Variants in CES5A observed in about 807,000 individuals in gnomAD.
CES5A encodes the protein carboxylesterase 5A.
A neutral mutation model predicts 62.9 loss-of-function variants in CES5A; 67 were observed. That is an observed-to-expected ratio of 1.07 (90% CI 0.88 to 1.31). The LOEUF is 1.31. CES5A is among the 50% of genes most tolerant of loss of function. CES5A has a pLI of 0.00. For missense variants in CES5A, 748 were observed against 708.5 expected (o/e 1.06, Z -0.63); for synonymous variants, 296 against 280.8 (o/e 1.05, Z -0.54).
At chr16:55,875,069 G>A in intron 1 of CES5A, 80 bp downstream of exon 1, 2 of 1,399,946 alleles carry the variant, frequency 1.4e-6, no homozygotes, top group Non-Finnish European at 1.0e-6. Context: ...GACCTCTGAA[G>A]AATAACTTCA....
Position 55,930,833 on chromosome 16 carries a change from T to C in CES5A, c.160+18952A>G, listed in dbSNP as rs572668860. On this transcript the variant is annotated intron_variant, in intron 2 of 13. Coordinates refer to the CES5A transcript ENST00000521992. ...CAATGCCTATCAAAATACTGACACA[T>C]AGACACATAGTATTCCTTCTCCCTT... 4.6e-5 allele frequency among the ~76,000 whole-genome samples: 7 copies of C among 152,244 alleles called. No homozygotes were observed. The East Asian group carries it at 1.4e-3, about 29-fold the overall frequency.
chr16:55,913,203 G>GC (rs1329047017), intron 1 of CES5A, among the ~76,000 whole-genome samples: 1 of 152,124 alleles, frequency 6.6e-6, no homozygotes. Flanking sequence ...TCATAGGGGG[G>GC]TCGAAGTGAG....
At position 55,861,456 on chromosome 16, in the gene CES5A, A is replaced by G. The variant is rs751246891; in HGVS notation, c.871T>C (p.Cys291Arg). 15 of 1,613,860 alleles carry G rather than the reference A, an allele frequency of 9.3e-6. No individual in the cohort carries two copies. Among genetic ancestry groups the G allele is most frequent in the African/African-American group, 1.3e-5 (1 of 74,928 alleles). ...NASDSEALLR[C>R]LRTKPSKELL... Reference sequence around the variant, plus strand: ...TCCTTGGAGGGTTTTGTCCTCAGGCACCTCAGCAGGGCCTCAGAGTCTGAC... The same window carrying G: ...TCCTTGGAGGGTTTTGTCCTCAGGCGCCTCAGCAGGGCCTCAGAGTCTGAC... Residue 291 changes from cysteine (C) to arginine (R), a missense_variant, in exon 7 of 13, where the codon TGC becomes CGC. Transcript: ENST00000290567.
chr16:55,949,979 C>G, intron 1 of CES5A: 1 of 583,628 alleles, frequency 1.7e-6, no homozygotes, highest in Non-Finnish European at 2.6e-6. Flanking sequence ...ATAACCAATA[C>G]AGCATATAAG....
At chr16:55,883,057 T>G (rs1315462417) in intron 1 of CES5A, among the ~76,000 whole-genome samples, 2 of 152,190 alleles carry the variant, frequency 1.3e-5, no homozygotes, top group Non-Finnish European at 2.9e-5. Flanking sequence ...AATCTACAGC[T>G]GCAGCATACG....
rs1207145415 is a variant in CES5A at position 55,846,672 on chromosome 16, C to T, written c.1507G>A (p.Gly503Arg). ...GCTGGCCACAGAGACAGGTCGTTCC[C>T]ATTAGGATTCCTAGAAGGGAGAGCA... ...ATFARTGNPN[G>R]NDLSLWPAYN... Residue 503 changes from glycine to arginine, a missense_variant, in exon 13 of 13, where the codon GGG becomes AGG. Transcript: ENST00000290567. 3 of 1,613,902 alleles carry T rather than the reference C, an allele frequency of 1.9e-6. No individual in the cohort carries two copies. Among genetic ancestry groups the T allele is most frequent in the East Asian group, 2.2e-5 (1 of 44,874 alleles).
intron 4 of CES5A, among the ~76,000 whole-genome samples, chr16:55,866,422 C>A (rs2033461948): frequency 6.6e-6 from 1 of 152,072 alleles, no homozygotes; most frequent in Non-Finnish European, 1.5e-5. Context: ...GTTGCCCAGG[C>A]TTGTCTGGAA....
At chr16:55,880,087 C>T (rs559271777), upstream of CES5A, among the ~76,000 whole-genome samples, 20 of 152,288 alleles carry the variant, frequency 1.3e-4, no homozygotes, top group South Asian at 1.0e-3. Context: ...ATAATGATGA[C>T]GATGACTAAG....
chr16:55,846,170 A>G lies in CES5A; in HGVS notation c.*281T>C. 2.2e-6 allele frequency: 1 copy of G among 464,376 alleles called. No homozygotes were observed. The highest frequency in any genetic ancestry group is 3.9e-6 in the Non-Finnish European group (1 of 259,240). 28.8% of individuals were successfully genotyped at this position (464,376 alleles called of 1,614,324 possible). On this transcript the variant is annotated 3_prime_UTR_variant, in exon 13 of 13. Transcript: ENST00000290567. ...CCCCGTATACCTATTTTACATTCTG[A>G]TTTTATTTCATATGAGTTACAAAAC...
chr16:55,897,887 G>A (rs1291844852), intron 1 of CES5A, among the ~76,000 whole-genome samples: 1 of 152,170 alleles, frequency 6.6e-6, no homozygotes, highest in African/African-American at 2.4e-5. Flanking sequence ...ACGCTATACA[G>A]CAATGAAAAA....
At chr16:55,854,058 T>C (rs1168970002) in intron 9 of CES5A, among the ~76,000 whole-genome samples, 1 of 152,124 alleles carries the variant, frequency 6.6e-6, no homozygotes, top group Non-Finnish European at 1.5e-5. Flanking sequence ...CCTGGCCTCT[T>C]TGGCCATATA....
At chr16:55,856,066 C>A (rs2033236886) in intron 9 of CES5A, among the ~76,000 whole-genome samples, 1 of 152,194 alleles carries the variant, frequency 6.6e-6, no homozygotes, top group Non-Finnish European at 1.5e-5. Context: ...TCTTCCCCTG[C>A]ACCTTCCACC....
chr16:55,904,089 C>A (rs189473895), intron 1 of CES5A, among the ~76,000 whole-genome samples: 98 of 152,304 alleles, frequency 6.4e-4, no homozygotes, highest in African/African-American at 2.3e-3. Flanking sequence ...ATAGGGAAAT[C>A]AGACTACACT....
intron 2 of CES5A, among the ~76,000 whole-genome samples, chr16:55,937,018 A>T (rs2034384019): frequency 1.3e-5 from 2 of 152,222 alleles, no homozygotes; most frequent in South Asian, 4.1e-4. Flanking sequence ...ACAAGAGACC[A>T]GGCAGATACA....
intron 2 of CES5A, among the ~76,000 whole-genome samples, chr16:55,946,111 T>G (rs1162166060): frequency 6.6e-6 from 1 of 152,212 alleles, no homozygotes; most frequent in Non-Finnish European, 1.5e-5. Context: ...CCCTTAAAAA[T>G]CTTTTCATCG....
upstream of CES5A, among the ~76,000 whole-genome samples, chr16:55,928,514 G>A (rs964171495): frequency 3.3e-5 from 5 of 152,212 alleles, 1 homozygote; most frequent in Middle Eastern, 3.4e-3. Flanking sequence ...CCCAGACTTC[G>A]TCACTATACA....
upstream of CES5A, among the ~76,000 whole-genome samples, chr16:55,876,253 T>C (rs1389622244): frequency 1.3e-5 from 2 of 152,260 alleles, no homozygotes; most frequent in African/African-American, 2.4e-5. Context: ...ATCAATTTAC[T>C]TGATTTTTTT....
intron 3 of CES5A, among the ~76,000 whole-genome samples, chr16:55,870,442 GT>G (rs1429322492): frequency 6.6e-6 from 1 of 152,178 alleles, no homozygotes; most frequent in Non-Finnish European, 1.5e-5. Flanking sequence ...GCTCACGCCT[GT>G]AATCCCAACA....
chr16:55,874,121 G>C, intron 1 of CES5A, 84 bp from the exon 2 acceptor site: 2 of 1,231,038 alleles, frequency 1.6e-6, no homozygotes, highest in South Asian at 2.7e-5. Context: ...CCCCAGTGGG[G>C]ATGTGCTTCC....
Sources: gnomAD v4.1 joint callset for allele counts (sites outside exome capture counted in the v4.1 genomes callset) on GRCh38, gnomAD v4.1.1 for gene constraint, MANE v1.5 for transcripts, NCBI Gene and HGNC (gene_info 2026-07-23, HGNC 2026-07-21) for gene names.